Variants in CEP83 observed in about 807,000 individuals in gnomAD.
CEP83 encodes centrosomal protein 83, also known as centrosomal protein of 83 kDa.
A neutral mutation model predicts 101.9 loss-of-function variants in CEP83; 70 were observed. The ratio of observed to expected loss-of-function variants is 0.69; its 90% CI spans 0.57 to 0.84. The LOEUF is 0.84. CEP83 is among the 40% of genes least tolerant of loss of function. The pLI is 0.00. For synonymous variants in CEP83, 264 were observed against 267.9 expected, an observed-to-expected ratio of 0.99 and a Z score of 0.14; for missense variants, 715 against 787.2, an observed-to-expected ratio of 0.91 and a Z score of 1.10.
chr12:94,273,281 G>C, the CEP83 span, among the ~76,000 whole-genome samples: 1 of 152,228 alleles, frequency 6.6e-6, no homozygotes, highest in Middle Eastern at 3.4e-3. Flanking sequence ...CAGGTGGCAG[G>C]AGGTGGTTTT....
the CEP83 span, among the ~76,000 whole-genome samples, chr12:94,295,504 G>C: frequency 6.6e-6 from 1 of 152,250 alleles, no homozygotes; most frequent in East Asian, 1.9e-4. Context: ...AGAATCTTAG[G>C]TTTGGATCTC....
At chr12:94,290,668 A>G in the CEP83 span, among the ~76,000 whole-genome samples, 160 of 152,376 alleles carry the variant, frequency 1.1e-3, no homozygotes, top group Middle Eastern at 3.4e-3. Context: ...GAAGGAGATT[A>G]GGTTTTAATC....
At chr12:94,452,765 A>C (rs916650758) in intron 1 of CEP83, among the ~76,000 whole-genome samples, 22 of 152,330 alleles carry the variant, frequency 1.4e-4, no homozygotes, top group East Asian at 1.9e-4. Flanking sequence ...TATGTAGTTC[A>C]GAAGAGTCAT....
the CEP83 span, among the ~76,000 whole-genome samples, chr12:94,268,224 G>GT: frequency 6.6e-6 from 1 of 152,186 alleles, no homozygotes; most frequent in African/African-American, 2.4e-5. Context: ...TCTCCCTGAG[G>GT]TGTGGGGGAT....
rs532597306 is a variant in CEP83 at position 94,394,925 on chromosome 12, C to T, written c.549+5925G>A. Among the ~76,000 whole-genome samples the T allele has an allele frequency of 7.2e-5, 11 of 152,270 alleles. No individual in the cohort carries two copies. The South Asian group carries it at 1.2e-3, about 17-fold the overall frequency. On this transcript the variant is annotated intron_variant, in intron 6 of 16. Transcript: ENST00000397809. ...TGCAAATCAAAACCACAATGAGATA[C>T]CATCTCACGCCAGTTAGAATAGCAA... is the stretch of plus-strand genomic sequence containing the variant.
chr12:94,454,775 G>A (rs1320022022), intron 1 of CEP83, among the ~76,000 whole-genome samples: 7 of 147,696 alleles, frequency 4.7e-5, no homozygotes, highest in South Asian at 2.2e-4. Context: ...CGAACCCACC[G>A]GGAGGAATGA....
At chr12:94,343,080 T>A (rs2059757712) in intron 11 of CEP83, among the ~76,000 whole-genome samples, 1 of 151,822 alleles carries the variant, frequency 6.6e-6, no homozygotes, top group Admixed American at 6.6e-5. Context: ...CATATGTGTG[T>A]ATGTATGTCT....
intron 2 of CEP83, chr12:94,424,828 G>A: frequency 6.3e-7 from 1 of 1,599,514 alleles, no homozygotes; most frequent in Non-Finnish European, 8.6e-7. Flanking sequence ...CATTTCCATT[G>A]CTTCCACTAC....
At chr12:94,393,287 G>T (rs189967090) in intron 6 of CEP83, among the ~76,000 whole-genome samples, 3 of 152,016 alleles carry the variant, frequency 2.0e-5, no homozygotes, top group Non-Finnish European at 2.9e-5. Context: ...ATGATCAAGC[G>T]GGCTTCATCC....
chr12:94,376,975 A>G (rs2061587031), intron 7 of CEP83, among the ~76,000 whole-genome samples: 1 of 152,110 alleles, frequency 6.6e-6, no homozygotes, highest in South Asian at 2.1e-4. Context: ...TCCTGAGCTC[A>G]GGTGATCCAG....
chr12:94,304,811 C>G (rs1968835873), downstream of CEP83, among the ~76,000 whole-genome samples: 1 of 152,188 alleles, frequency 6.6e-6, no homozygotes, highest in Non-Finnish European at 1.5e-5. Context: ...AAGGATCTGT[C>G]TCTGACCAGG....
chr12:94,416,182 G>A (rs1215739752), intron 2 of CEP83, among the ~76,000 whole-genome samples: 4 of 152,074 alleles, frequency 2.6e-5, no homozygotes, highest in Admixed American at 2.0e-4. Context: ...AAAACTTATG[G>A]AATAAAGGTT....
chr12:94,368,526 C>A, intron 9 of CEP83: 1 of 193,660 alleles, frequency 5.2e-6, no homozygotes, highest in South Asian at 1.5e-4. Flanking sequence ...CTTACTTCAC[C>A]TCTAAAGAGG....
chr12:94,326,568 A>G (rs2058982963), intron 14 of CEP83, among the ~76,000 whole-genome samples: 1 of 152,196 alleles, frequency 6.6e-6, no homozygotes. Flanking sequence ...TGGTATTGGA[A>G]AACACCCTAG....
chr12:94,305,393 C>T (rs1223263604), downstream of CEP83: 5 of 650,144 alleles, frequency 7.7e-6, no homozygotes, highest in Non-Finnish European at 1.4e-5. Context: ...ACATAGGTTC[C>T]ACTTTGGGCA....
At chr12:94,343,470 C>CTTTTCTTTTT (rs2059785388) in intron 11 of CEP83, among the ~76,000 whole-genome samples, 1 of 84,168 alleles carries the variant, frequency 1.2e-5, no homozygotes, top group African/African-American at 5.2e-5. Context: ...TAGAAATTAA[C>CTTTTCTTTTT]TTTTTTTTTT....
intron 14 of CEP83, among the ~76,000 whole-genome samples, chr12:94,314,643 G>T (rs1001316078): frequency 1.3e-5 from 2 of 152,106 alleles, no homozygotes; most frequent in Non-Finnish European, 2.9e-5. Context: ...TTCCAGTTGG[G>T]ACTATTACAA....
At chr12:94,343,487 T>G (rs1270511584) in intron 11 of CEP83, among the ~76,000 whole-genome samples, 1 of 128,852 alleles carries the variant, frequency 7.8e-6, no homozygotes, top group African/African-American at 3.1e-5. Context: ...TTTTTTTTTT[T>G]TTTTTTTTTT....
chr12:94,440,199 G>T (rs1477946655), intron 1 of CEP83, among the ~76,000 whole-genome samples: 1 of 152,146 alleles, frequency 6.6e-6, no homozygotes, highest in Admixed American at 6.5e-5. Flanking sequence ...AATCAGACAA[G>T]AGAAAGAAAT....
Sources: allele counts gnomAD v4.1 joint callset (sites outside exome capture counted in the v4.1 genomes callset), GRCh38; gene constraint gnomAD v4.1.1; transcripts MANE v1.5; gene names NCBI Gene and HGNC (gene_info 2026-07-23, HGNC 2026-07-21).